The following SEMA6D variants were observed in gnomAD, a reference collection of about 807,000 sequenced individuals.
SEMA6D encodes the protein semaphorin-6D.
A neutral mutation model predicts 106.6 loss-of-function variants in SEMA6D; 35 were observed. The observed-to-expected ratio is 0.33, with a 90% CI of 0.25 to 0.44. The LOEUF (loss-of-function observed/expected upper bound fraction) is 0.44. Among genes scored for constraint, SEMA6D ranks in the 20% least tolerant of loss-of-function variants. The pLI, the probability that SEMA6D is intolerant of heterozygous loss-of-function variation, is 1.00. For missense variants in SEMA6D, 1,185 were observed against 1,345.9 expected (o/e 0.88, Z 1.87); for synonymous variants, 499 against 487.7 (o/e 1.02, Z -0.31).
chr15:47,636,114 C>A (rs2144622451), intron 4 of SEMA6D, among the ~76,000 whole-genome samples: 1 of 152,128 alleles, frequency 6.6e-6, no homozygotes, highest in Non-Finnish European at 1.5e-5. Flanking sequence ...TTGACTAAAC[C>A]AGTAACAAAA....
intron 1 of SEMA6D, among the ~76,000 whole-genome samples, chr15:47,747,906 AG>A (rs1384127374): frequency 6.6e-6 from 1 of 152,244 alleles, no homozygotes; most frequent in African/African-American, 2.4e-5. Context: ...TATATTTGTT[AG>A]GTAGTGAAGA....
intron 3 of SEMA6D, among the ~76,000 whole-genome samples, chr15:47,503,561 A>C (rs1043595082): frequency 5.3e-5 from 8 of 152,194 alleles, no homozygotes; most frequent in Non-Finnish European, 8.8e-5. Context: ...ATTTCCATTT[A>C]CATTAGTAAT....
chr15:47,231,306 C>T (rs2032180529), intron 1 of SEMA6D, among the ~76,000 whole-genome samples: 1 of 152,072 alleles, frequency 6.6e-6, no homozygotes, highest in African/African-American at 2.4e-5. Context: ...TTTCAGCACA[C>T]CAAAACCAGC....
chr15:47,193,464 C>T (rs1894106008), intron 1 of SEMA6D, among the ~76,000 whole-genome samples: 1 of 152,216 alleles, frequency 6.6e-6, no homozygotes, highest in South Asian at 2.1e-4. Flanking sequence ...ATCTGAAACA[C>T]TTGTAATCTC....
At chr15:47,471,873 C>A (rs544698113) in intron 3 of SEMA6D, among the ~76,000 whole-genome samples, 1 of 150,852 alleles carries the variant, frequency 6.6e-6, no homozygotes, top group South Asian at 2.1e-4. Flanking sequence ...TACCAACCTC[C>A]GGTGATCAGA....
At chr15:47,376,587 G>C (rs1297991396) in intron 1 of SEMA6D, among the ~76,000 whole-genome samples, 1 of 152,164 alleles carries the variant, frequency 6.6e-6, no homozygotes, top group Non-Finnish European at 1.5e-5. Flanking sequence ...TGTAAACCCA[G>C]ACTGTTCATC....
chr15:47,321,663 A>G (rs1041525671), intron 1 of SEMA6D, among the ~76,000 whole-genome samples: 1 of 152,160 alleles, frequency 6.6e-6, no homozygotes, highest in African/African-American at 2.4e-5. Context: ...TTTACCTTTC[A>G]GTATAAGGAG....
intron 4 of SEMA6D, among the ~76,000 whole-genome samples, chr15:47,601,605 G>A (rs1226151134): frequency 6.6e-6 from 1 of 152,100 alleles, no homozygotes; most frequent in African/African-American, 2.4e-5. Context: ...TGAGAGCAAT[G>A]GTAAAGCTAA....
At chr15:47,613,390 G>A (rs959292731) in intron 4 of SEMA6D, among the ~76,000 whole-genome samples, 1 of 152,040 alleles carries the variant, frequency 6.6e-6, no homozygotes, top group African/African-American at 2.4e-5. Flanking sequence ...CAGGTTTTGA[G>A]GATACAGTAG....
At chr15:47,663,622 A>G (rs2077969761) in intron 4 of SEMA6D, among the ~76,000 whole-genome samples, 1 of 152,184 alleles carries the variant, frequency 6.6e-6, no homozygotes, top group South Asian at 2.1e-4. Context: ...GAATACAGTG[A>G]TCATAGTTCT....
intron 1 of SEMA6D, among the ~76,000 whole-genome samples, chr15:47,188,767 A>C (rs1156601068): frequency 1.3e-5 from 2 of 152,182 alleles, no homozygotes; most frequent in African/African-American, 4.8e-5. Flanking sequence ...AGTGTTTAGA[A>C]GTACAATCAA....
At chr15:47,757,267 A>G (rs2147556022) in intron 1 of SEMA6D, among the ~76,000 whole-genome samples, 1 of 152,314 alleles carries the variant, frequency 6.6e-6, no homozygotes, top group East Asian at 1.9e-4. Context: ...GTTTTAATGC[A>G]GATGTTTCTA....
At chr15:47,563,183 G>A (rs559011817) in intron 3 of SEMA6D, among the ~76,000 whole-genome samples, 18 of 152,160 alleles carry the variant, frequency 1.2e-4, no homozygotes, top group Non-Finnish European at 1.8e-4. Context: ...CTAAGAAATC[G>A]AAGCTGCAAT....
intron 1 of SEMA6D, among the ~76,000 whole-genome samples, chr15:47,347,555 G>C (rs2038098070): frequency 6.6e-6 from 1 of 151,110 alleles, no homozygotes; most frequent in Non-Finnish European, 1.5e-5. Flanking sequence ...GGTAATAAAA[G>C]TGTTCAAAGT....
intron 1 of SEMA6D, among the ~76,000 whole-genome samples, chr15:47,209,817 T>A (rs1895360501): frequency 6.6e-6 from 1 of 152,188 alleles, no homozygotes. Flanking sequence ...TTAGTCTTTA[T>A]GTATAAAAAG....
intron 18 of SEMA6D, 118 bp downstream of exon 18, chr15:47,768,866 C>A: frequency 2.3e-6 from 2 of 856,014 alleles, no homozygotes; most frequent in East Asian, 2.5e-5. Flanking sequence ...GTTGTACCTC[C>A]ACCGCCCCTT....
chr15:47,643,921 T>C (rs189940661), intron 4 of SEMA6D, among the ~76,000 whole-genome samples: 1 of 151,896 alleles, frequency 6.6e-6, no homozygotes, highest in African/African-American at 2.4e-5. Context: ...TCTCCCACCC[T>C]TCTCAGGTCC....
At chr15:47,298,205 C>T (rs904536424) in intron 1 of SEMA6D, among the ~76,000 whole-genome samples, 25 of 152,268 alleles carry the variant, frequency 1.6e-4, no homozygotes, top group Admixed American at 2.6e-4. Flanking sequence ...GGGCGGAGCT[C>T]GCACTGGGAA....
At chr15:47,632,986 A>G (rs1485253422) in intron 4 of SEMA6D, among the ~76,000 whole-genome samples, 1 of 152,034 alleles carries the variant, frequency 6.6e-6, no homozygotes, top group African/African-American at 2.4e-5. Context: ...GTCTACTGGT[A>G]TCAGTGTTTT....
Sources: gnomAD v4.1 joint callset for allele counts (sites outside exome capture counted in the v4.1 genomes callset) on GRCh38, gnomAD v4.1.1 for gene constraint, MANE v1.5 for transcripts, NCBI Gene and HGNC (gene_info 2026-07-23, HGNC 2026-07-21) for gene names.